The following EMCN variants were observed in gnomAD, a reference collection of about 807,000 sequenced individuals.
EMCN encodes MUC-14.
In EMCN, 37 loss-of-function variants were observed where a neutral mutation model predicts 38.4. The observed-to-expected ratio is 0.96, with a 90% confidence interval of 0.74 to 1.27. The LOEUF is 1.27. Ranked by LOEUF, EMCN falls within the 50% of genes most tolerant of loss-of-function variation. The probability of loss-of-function intolerance (pLI) is 0.00; values close to 1 mark genes in which losing one functional copy is unlikely to be tolerated. For synonymous variants in EMCN, 95 were observed against 100.8 expected (o/e 0.94, Z 0.35); for missense variants, 318 against 302.8 (o/e 1.05, Z -0.37).
intron 4 of EMCN, among the ~76,000 whole-genome samples, chr4:100,461,474 A>G (rs567871859): frequency 1.3e-5 from 2 of 152,340 alleles, no homozygotes; most frequent in African/African-American, 4.8e-5. Context: ...TTCCAGGTAC[A>G]TAGATAATCC....
intron 4 of EMCN, among the ~76,000 whole-genome samples, chr4:100,463,815 C>T (rs1728245904): frequency 1.3e-5 from 2 of 152,120 alleles, no homozygotes; most frequent in Non-Finnish European, 2.9e-5. Context: ...TACTTCATTA[C>T]AATAGCTTTA....
chr4:100,413,426 T>C (rs1342315038), intron 10 of EMCN, among the ~76,000 whole-genome samples: 1 of 152,152 alleles, frequency 6.6e-6, no homozygotes, highest in Non-Finnish European at 1.5e-5. Context: ...AGAAGTTACT[T>C]AAATAAAAAT....
At chr4:100,475,007 T>A in intron 3 of EMCN, 31 bp downstream of exon 3, 2 of 1,246,386 alleles carry the variant, frequency 1.6e-6, no homozygotes, top group Non-Finnish European at 1.1e-6. Flanking sequence ...ATATATTTTT[T>A]AAAATTGTAG....
intron 2 of EMCN, among the ~76,000 whole-genome samples, chr4:100,477,054 C>T (rs1284641236): frequency 1.3e-5 from 2 of 151,970 alleles, no homozygotes; most frequent in African/African-American, 4.8e-5. Context: ...TATTTAGCAC[C>T]CTGTGTGAGA....
At chr4:100,508,077 A>T (rs771134974) in intron 1 of EMCN, among the ~76,000 whole-genome samples, 1 of 152,180 alleles carries the variant, frequency 6.6e-6, no homozygotes, top group Non-Finnish European at 1.5e-5. Context: ...CTTCAGGCAA[A>T]ATGTATAAGA....
chr4:100,446,536 A>C (rs1417383036), intron 5 of EMCN, among the ~76,000 whole-genome samples: 2 of 151,994 alleles, frequency 1.3e-5, no homozygotes, highest in African/African-American at 4.8e-5. Context: ...AATTTTTAAA[A>C]AGTTTTATGA....
At chr4:100,467,661 G>A (rs953937015) in intron 3 of EMCN, among the ~76,000 whole-genome samples, 3 of 118,866 alleles carry the variant, frequency 2.5e-5, no homozygotes, top group Admixed American at 1.1e-4. Context: ...CAGCTTGGGC[G>A]AAAGAGTGAG....
intron 4 of EMCN, among the ~76,000 whole-genome samples, chr4:100,456,395 T>G (rs949942718): frequency 6.6e-6 from 1 of 152,196 alleles, no homozygotes; most frequent in Non-Finnish European, 1.5e-5. Context: ...TTTTTCTGCC[T>G]TATTGAGATG....
At chr4:100,408,942 G>A (rs774424889) in intron 11 of EMCN, among the ~76,000 whole-genome samples, 1 of 152,178 alleles carries the variant, frequency 6.6e-6, no homozygotes, top group Non-Finnish European at 1.5e-5. Context: ...CAAATTCCAA[G>A]ATTCCTAATC....
At chr4:100,489,053 G>T (rs556938857) in intron 1 of EMCN, among the ~76,000 whole-genome samples, 2 of 152,226 alleles carry the variant, frequency 1.3e-5, no homozygotes, top group East Asian at 3.9e-4. Context: ...GGCACTACTT[G>T]TATCTCCATT....
At chr4:100,416,561 A>G (rs1320340916) in intron 9 of EMCN, among the ~76,000 whole-genome samples, 2 of 152,192 alleles carry the variant, frequency 1.3e-5, no homozygotes, top group African/African-American at 2.4e-5. Context: ...AAAGTTTACA[A>G]CCTTATGAAA....
At chr4:100,456,151 G>A (rs1168282399) in intron 4 of EMCN, among the ~76,000 whole-genome samples, 1 of 152,018 alleles carries the variant, frequency 6.6e-6, no homozygotes, top group Non-Finnish European at 1.5e-5. Flanking sequence ...TTCTGAAATT[G>A]TATGTATCTT....
At chr4:100,496,241 C>G (rs1000460454) in intron 1 of EMCN, among the ~76,000 whole-genome samples, 1 of 152,092 alleles carries the variant, frequency 6.6e-6, no homozygotes, top group Admixed American at 6.5e-5. Flanking sequence ...CTCTTCCTAT[C>G]CTCCTGGGTG....
Position 100,512,521 on chromosome 4 carries a change from T to C in EMCN, c.64+5330A>G, listed in dbSNP as rs535284389. On this transcript the variant is annotated intron_variant, in intron 1 of 11. Coordinates refer to ENST00000296420, the MANE Select transcript of EMCN (RefSeq NM_016242.4). ...TTGAAAGTTACTTAAATTCCTATTC[T>C]GAGCTGGGCATGGTGGCTCATGCCT... 2.0e-5 allele frequency among the ~76,000 whole-genome samples: 3 copies of C among 152,292 alleles called. No homozygotes were observed. The South Asian group carries it at 6.2e-4, about 32-fold the overall frequency.
At chr4:100,490,471 G>A (rs906228369) in intron 1 of EMCN, among the ~76,000 whole-genome samples, 3 of 151,966 alleles carry the variant, frequency 2.0e-5, no homozygotes, top group Non-Finnish European at 2.9e-5. Flanking sequence ...ACATTCACTG[G>A]CCACTCACTC....
intron 1 of EMCN, among the ~76,000 whole-genome samples, chr4:100,510,396 T>C (rs1459396347): frequency 1.3e-5 from 2 of 152,222 alleles, no homozygotes; most frequent in Non-Finnish European, 1.5e-5. Context: ...ACAACAGTTC[T>C]ATTGTGAAAA....
chr4:100,485,390 A>G (rs1020054313), intron 1 of EMCN, among the ~76,000 whole-genome samples: 15 of 152,200 alleles, frequency 9.9e-5, no homozygotes, highest in Non-Finnish European at 1.5e-4. Flanking sequence ...TATATCATGA[A>G]CAAAAATGTA....
intron 11 of EMCN, 135 bp downstream of exon 11, chr4:100,410,147 T>C (rs1010640059): frequency 6.1e-6 from 4 of 660,632 alleles, no homozygotes; most frequent in Non-Finnish European, 1.0e-5. Context: ...TTTAGACAAA[T>C]AGACAATGAT....
chr4:100,469,609 T>C (rs1728417726), intron 3 of EMCN, among the ~76,000 whole-genome samples: 1 of 61,406 alleles, frequency 1.6e-5, no homozygotes, highest in African/African-American at 3.2e-5. Flanking sequence ...TTTTTGAATA[T>C]GGTGTAAAGA....
Sources: allele counts gnomAD v4.1 joint callset (sites outside exome capture counted in the v4.1 genomes callset), GRCh38; gene constraint gnomAD v4.1.1; transcripts MANE v1.5; gene names NCBI Gene and HGNC (gene_info 2026-07-23, HGNC 2026-07-21).